The following IRF5 variants were observed in gnomAD, a reference collection of about 807,000 sequenced individuals.
IRF5 encodes the protein interferon regulatory factor 5.
IRF5 carries 24 observed loss-of-function variants against 55.1 expected under a neutral mutation model. The observed-to-expected ratio is 0.44, with a 90% CI of 0.32 to 0.61. The LOEUF (loss-of-function observed/expected upper bound fraction) is 0.61. IRF5 is among the 20% of genes least tolerant of loss of function. The pLI is 0.07. For synonymous variants in IRF5, 258 were observed against 260.2 expected (o/e 0.99, Z 0.08); for missense variants, 499 against 658.5 (o/e 0.76, Z 2.65).
rs202089761 is a variant in IRF5 at position 128,942,123 on chromosome 7, C to A, written c.42C>A (p.Arg14=). Residue 14 remains arginine (R), a synonymous_variant, in exon 2 of 9, where the codon CGC becomes CGA. Coordinates refer to ENST00000357234, the MANE Select transcript of IRF5 (RefSeq NM_001098629.3). The part of the protein sequence containing the change: ...SIPVAPTPPR[R]VRLKPWLVAQ... ...CAGTGGCTCCCACCCCACCCCGCCG[C>A]GTGCGGCTGAAGCCCTGGCTGGTGG... 2 of 1,612,532 alleles carry A rather than the reference C, an allele frequency of 1.2e-6. No individual in the cohort carries two copies. Among genetic ancestry groups the A allele is most frequent in the African/African-American group, 2.7e-5 (2 of 75,048 alleles).
chr7:128,948,418 T>C lies in IRF5; in HGVS notation c.1299+90T>C. 1 of 1,446,220 alleles carries C rather than the reference T, an allele frequency of 6.9e-7. No individual in the cohort carries two copies. Among genetic ancestry groups the C allele is most frequent in the Non-Finnish European group, 9.4e-7 (1 of 1,058,398 alleles). 89.6% of individuals were successfully genotyped at this position (1,446,220 alleles called of 1,614,324 possible). A position where few individuals can be genotyped will look rare whatever the true frequency, so the allele number is the denominator to read the frequency against. ...TTGCCCCAGGCTGGAGGCTCAGGGC[T>C]CCCTGAGCAGTGTGAACTTGGCGGC... On this transcript the variant is annotated intron_variant, in intron 8 of 8. Coordinates refer to ENST00000357234, the MANE Select transcript of IRF5 (RefSeq NM_001098629.3). The surrounding 1 kb of genome is among the most constrained non-coding windows in gnomAD (Gnocchi z 4.6).
At position 128,947,453 on chromosome 7, in the gene IRF5, G is replaced by T. The variant is rs753191121; in HGVS notation, c.705G>T (p.Glu235Asp). Residue 235 changes from glutamate to aspartate, a missense_variant, in exon 6 of 9, where the codon GAG becomes GAT. Around this residue, in one of 2 missense-constraint regions of IRF5, gnomAD observed 305 missense variants for 340.2 expected, o/e 0.90. Coordinates refer to ENST00000357234, the MANE Select transcript of IRF5 (RefSeq NM_001098629.3). This position sits in a 1 kb window ranked among gnomAD's most constrained non-coding sequence, Gnocchi z 6.5. ...GFRELLSEVLEPGPLPASLPP... is the reference protein window; with the variant it reads ...GFRELLSEVLDPGPLPASLPP... Reference sequence around the variant, plus strand: ...GGGAGCTTCTCTCTGAGGTCCTGGAGCCTGGGCCCCTGCCTGCCAGCCTGC... The same window carrying T: ...GGGAGCTTCTCTCTGAGGTCCTGGATCCTGGGCCCCTGCCTGCCAGCCTGC... The T allele has an allele frequency of 1.9e-6, 3 of 1,611,902 alleles. No homozygotes were observed. The highest frequency in any genetic ancestry group is 1.3e-5 in the African/African-American group (1 of 75,032).
intron 2 of IRF5, among the ~76,000 whole-genome samples, chr7:128,943,763 G>A (rs1438341919): frequency 3.4e-5 from 4 of 116,044 alleles, no homozygotes; most frequent in Non-Finnish European, 6.6e-5. Flanking sequence ...TAAAGACAGG[G>A]TTTCACCCTG....
At chr7:128,939,129 AC>A (rs1328951562) in intron 1 of IRF5, among the ~76,000 whole-genome samples, 1 of 151,932 alleles carries the variant, frequency 6.6e-6, no homozygotes, top group Admixed American at 6.6e-5. Flanking sequence ...AGTGACCAGA[AC>A]CAGAGAGGGC....
intron 1 of IRF5, 89 bp from the exon 2 acceptor site, chr7:128,941,982 T>A: frequency 1.1e-6 from 1 of 949,322 alleles, no homozygotes; most frequent in Non-Finnish European, 1.6e-6. Context: ...GGAGAGACCA[T>A]CCTTTGTGGT....
At position 128,946,454 on chromosome 7, in the gene IRF5, C is replaced by A. The variant is rs150186560; in HGVS notation, c.386-47C>A. 2.2e-5 allele frequency: 35 copies of A among 1,568,844 alleles called. No individual in the cohort carries two copies. The highest frequency in any genetic ancestry group is 3.0e-5 in the Non-Finnish European group (35 of 1,155,890). On this transcript the variant is annotated intron_variant, in intron 3 of 8. Coordinates refer to ENST00000357234, the MANE Select transcript of IRF5 (RefSeq NM_001098629.3). This position sits in a 1 kb window ranked among gnomAD's most constrained non-coding sequence, Gnocchi z 4.2. ...CTCTCAGGGGATCTTGCTTCTCCTC[C>A]GACATTGACTCCTTTACTGCCCTGC...
intron 1 of IRF5, among the ~76,000 whole-genome samples, chr7:128,938,566 C>T (rs1357214884): frequency 6.6e-6 from 1 of 152,184 alleles, no homozygotes; most frequent in Non-Finnish European, 1.5e-5. Context: ...AGCGTTCATC[C>T]CCCGGGATCT....
rs1287348667 is a variant in IRF5 at position 128,949,608 on chromosome 7, G to T, written c.*790G>T. ...CAGGAGGAAGCTGGCTGAAGCAAGG[G>T]TGTGGAATTTTAAATGTGTGCACAG... On this transcript the variant is annotated 3_prime_UTR_variant, in exon 9 of 9. Coordinates refer to ENST00000357234, the MANE Select transcript of IRF5 (RefSeq NM_001098629.3). 6.6e-6 allele frequency: 1 copy of T among 152,194 alleles called. No homozygotes were observed. Among genetic ancestry groups the T allele is most frequent in the Non-Finnish European group, 1.5e-5 (1 of 68,056 alleles). 9.4% of individuals were successfully genotyped at this position (152,194 alleles called of 1,614,324 possible). A position where few individuals can be genotyped will look rare whatever the true frequency, so the allele number is the denominator to read the frequency against.
chr7:128,945,033 C>T (rs1469140954), intron 2 of IRF5, among the ~76,000 whole-genome samples: 1 of 152,180 alleles, frequency 6.6e-6, no homozygotes, highest in Non-Finnish European at 1.5e-5. Flanking sequence ...ACCTAATTGC[C>T]ATTCAAAATA....
intron 2 of IRF5, chr7:128,943,017 ATTCCAATT>A (rs1796111029): frequency 7.3e-6 from 1 of 136,552 alleles, no homozygotes; most frequent in Non-Finnish European, 1.5e-5. Flanking sequence ...TGTTGACCAG[ATTCCAATT>A]TTTTTTTTTT....
rs1326907688 is a variant in IRF5 at position 128,942,110 on chromosome 7, C to G, written c.29C>G (p.Thr10Ser). ...AACCAGTCCATCCCAGTGGCTCCCA[C>G]CCCACCCCGCCGCGTGCGGCTGAAG... MNQSIPVAPTPPRRVRLKPW... is the reference protein window; with the variant it reads MNQSIPVAPSPPRRVRLKPW... Residue 10 changes from threonine to serine, a missense_variant, in exon 2 of 9, where the codon ACC (threonine) becomes AGC (serine). Transcript: ENST00000357234. The G allele has an allele frequency of 1.9e-6, 3 of 1,610,492 alleles. No individual in the cohort carries two copies.
At chr7:128,944,865 A>T (rs971132333) in intron 2 of IRF5, among the ~76,000 whole-genome samples, 17 of 152,132 alleles carry the variant, frequency 1.1e-4, no homozygotes, top group African/African-American at 4.1e-4. Context: ...TGGATGTTGC[A>T]TTGGGTATTT....
rs1796367096 is a variant in IRF5, at chr7:128,947,335, A to G, written c.587A>G (p.Gln196Arg). 2.1e-6 allele frequency: 2 copies of G among 965,366 alleles called. No homozygotes were observed. The highest frequency in any genetic ancestry group is 1.5e-6 in the Non-Finnish European group (1 of 681,506). 59.8% of individuals were successfully genotyped at this position (965,366 alleles called of 1,614,324 possible). A position where few individuals can be genotyped will look rare whatever the true frequency, so the allele number is the denominator to read the frequency against. ...CCCACTCTGCGGCCGCCTACTCTGC[A>G]GCCGCCCACTCTGCAGCCGCCCGTG... ...QPPTLRPPTL[Q>R]PPTLQPPVVL... is the part of the protein sequence containing the mutation. The change falls in exon 6 of 9, where the codon CAG (glutamine) becomes CGG (arginine). Residue 196 changes from glutamine to arginine, a missense_variant. By Grantham distance (43) the Gln-to-Arg change is conservative. Coordinates refer to ENST00000357234, the MANE Select transcript of IRF5 (RefSeq NM_001098629.3). This position sits in a 1 kb window ranked among gnomAD's most constrained non-coding sequence, Gnocchi z 6.5.
intron 2 of IRF5, 147 bp from the exon 3 acceptor site, chr7:128,945,698 C>A: frequency 1.4e-6 from 1 of 722,846 alleles, no homozygotes; most frequent in Non-Finnish European, 2.2e-6. Context: ...CAGACTCCCA[C>A]GCTGCAAACC....
Position 128,947,394 on chromosome 7 carries a change from C to G in IRF5, c.646C>G (p.Leu216Val), listed in dbSNP as rs1796374494. Residue 216 changes from leucine to valine, a missense_variant, in exon 6 of 9, where the codon CTG becomes GTG. Physicochemically the swap from Leu to Val is conservative, Grantham distance 32. Around this residue, in one of 2 missense-constraint regions of IRF5, gnomAD observed 305 missense variants for 340.2 expected, o/e 0.90. Coordinates refer to ENST00000357234, the MANE Select transcript of IRF5 (RefSeq NM_001098629.3). The surrounding 1 kb of genome is among the most constrained non-coding windows in gnomAD (Gnocchi z 6.5). ...TCCCCCTGCTCCAGACCCCAGCCCC[C>G]TGGCTCCTCCCCCTGGCAACCCTGC... ...LGPPAPDPSP[L>V]APPPGNPAGF... 3.1e-6 allele frequency: 5 copies of G among 1,610,614 alleles called. No individual in the cohort carries two copies. The South Asian group carries it at 5.5e-5, about 18-fold the overall frequency.
In IRF5 at chr7:128,946,087, C is replaced by A; in HGVS notation, c.385+53C>A. 1 of 1,490,450 alleles carries A rather than the reference C, an allele frequency of 6.7e-7. No homozygotes were observed. Among genetic ancestry groups the A allele is most frequent in the Non-Finnish European group, 9.0e-7 (1 of 1,113,392 alleles). 92.3% of individuals were successfully genotyped at this position (1,490,450 alleles called of 1,614,324 possible). ...CCTGGGAGGCTGTGCAATGTCCTGG[C>A]CCCCAGCCATGAGCTCTTGGGTGCA... On this transcript the variant is annotated intron_variant, in intron 3 of 8. Coordinates refer to ENST00000357234, the MANE Select transcript of IRF5 (RefSeq NM_001098629.3). The surrounding 1 kb of genome is among the most constrained non-coding windows in gnomAD (Gnocchi z 4.2).
Position 128,947,288 on chromosome 7 carries a change from G to A in IRF5, c.540G>A (p.Lys180=). 1.2e-6 allele frequency: 2 copies of A among 1,609,830 alleles called. No homozygotes were observed. The highest frequency in any genetic ancestry group is 8.5e-7 in the Non-Finnish European group (1 of 1,178,702). The change falls in exon 6 of 9, where the codon AAG becomes AAA. Residue 180 remains lysine, a synonymous_variant. Coordinates refer to ENST00000357234, the MANE Select transcript of IRF5 (RefSeq NM_001098629.3). The surrounding 1 kb of genome is among the most constrained non-coding windows in gnomAD (Gnocchi z 6.5). The part of the protein sequence containing the change: ...TPYSLLKEDV[K]WPPTLQPPTL... ...ATTCTTTACTCAAAGAGGATGTCAA[G>A]TGGCCGCCCACTCTGCAGCCGCCCA...
In IRF5 at chr7:128,948,387, A is replaced by AGGCCCTTGCCCCAGGCTGGAGGCTC; in HGVS notation, c.1299+60_1299+84dup. ...TTGAAAACTGGGGAATCCTGGGGCT[A>AGGCCCTTGCCCCAGGCTGGAGGCTC]GGCCCTTGCCCCAGGCTGGAGGCTC... On this transcript the variant is annotated intron_variant, in intron 8 of 8. Transcript: ENST00000357234. The surrounding 1 kb of genome is among the most constrained non-coding windows in gnomAD (Gnocchi z 4.6). The AGGCCCTTGCCCCAGGCTGGAGGCTC allele has an allele frequency of 6.7e-7, 1 of 1,495,004 alleles. No individual in the cohort carries two copies. Among genetic ancestry groups the AGGCCCTTGCCCCAGGCTGGAGGCTC allele is most frequent in the Non-Finnish European group, 9.1e-7 (1 of 1,103,214 alleles). 92.6% of individuals were successfully genotyped at this position (1,495,004 alleles called of 1,614,324 possible).
intron 1 of IRF5, among the ~76,000 whole-genome samples, chr7:128,939,081 G>A (rs967106230): frequency 1.1e-4 from 17 of 151,726 alleles, no homozygotes; most frequent in Middle Eastern, 3.4e-3. Context: ...GGAGGACTGG[G>A]CTGGGCCTGG....
Sources: allele counts gnomAD v4.1 joint callset (sites outside exome capture counted in the v4.1 genomes callset), GRCh38; gene constraint gnomAD v4.1.1; regional missense constraint gnomAD v4.1.1; non-coding constraint Gnocchi (gnomAD v3.1); transcripts MANE v1.5; gene names NCBI Gene and HGNC (gene_info 2026-07-23, HGNC 2026-07-21).